TTBK2: variants seen among roughly 807,000 people sequenced by gnomAD.
The protein encoded by TTBK2 is tau tubulin kinase 2.
Under a neutral mutation model 110.8 loss-of-function variants are expected in TTBK2, and 28 were observed. That is an observed-to-expected ratio of 0.25 (90% CI 0.19 to 0.35). The LOEUF (loss-of-function observed/expected upper bound fraction) is 0.35, where lower values mean the gene tolerates loss of function less well. Ranked by LOEUF, TTBK2 falls within the 10% of genes least tolerant of loss-of-function variation. The probability of loss-of-function intolerance (pLI) is 1.00; values close to 1 mark genes in which losing one functional copy is unlikely to be tolerated. For synonymous variants in TTBK2, 532 were observed against 527.3 expected (o/e 1.01, Z -0.12); for missense variants, 1,369 against 1,500.3 (o/e 0.91, Z 1.45).
At chr15:42,763,061 T>C (rs1403035289) in intron 13 of TTBK2, among the ~76,000 whole-genome samples, 1 of 139,434 alleles carries the variant, frequency 7.2e-6, no homozygotes, top group Non-Finnish European at 1.5e-5. Flanking sequence ...CATAGCACTA[T>C]AGGATGATTA....
chr15:42,796,228 ACT>A (rs1429110580), intron 9 of TTBK2, among the ~76,000 whole-genome samples: 1 of 152,060 alleles, frequency 6.6e-6, no homozygotes, highest in Non-Finnish European at 1.5e-5. Flanking sequence ...ACATGGTGAA[ACT>A]CTATCTCTAC....
intron 9 of TTBK2, chr15:42,801,544 C>G (rs1324117839): frequency 1.3e-6 from 1 of 767,124 alleles, no homozygotes; most frequent in African/African-American, 1.7e-5. Context: ...GACCCAGCGT[C>G]TGCAGCTCCT....
At chr15:42,762,189 G>T (rs1915243) in intron 13 of TTBK2, among the ~76,000 whole-genome samples, 1 of 152,184 alleles carries the variant, frequency 6.6e-6, no homozygotes, top group South Asian at 2.1e-4. Flanking sequence ...AGCAGTATGA[G>T]AACAGAGTAA....
intron 7 of TTBK2, 141 bp from the exon 8 acceptor site, chr15:42,811,921 T>A (rs537452800): frequency 2.1e-6 from 1 of 485,868 alleles, no homozygotes; most frequent in Non-Finnish European, 3.5e-6. Flanking sequence ...GATAAACATA[T>A]ATATATATAT....
chr15:42,911,410 T>C (rs1280010631), intron 1 of TTBK2, among the ~76,000 whole-genome samples: 1 of 152,220 alleles, frequency 6.6e-6, no homozygotes, highest in Non-Finnish European at 1.5e-5. Context: ...AAATCCAGCC[T>C]GGGCAACATA....
intron 13 of TTBK2, 23 bp from the exon 14 acceptor site, chr15:42,753,270 T>A: frequency 6.2e-7 from 1 of 1,603,340 alleles, no homozygotes; most frequent in South Asian, 1.1e-5. Context: ...AAGAAAAAAT[T>A]AAAATGCAAT....
chr15:42,776,462 G>T (rs998881288), intron 12 of TTBK2, among the ~76,000 whole-genome samples: 7 of 152,146 alleles, frequency 4.6e-5, no homozygotes, highest in South Asian at 2.1e-4. Context: ...CTTTACCTAT[G>T]TATATAGATC....
intron 1 of TTBK2, among the ~76,000 whole-genome samples, chr15:42,895,995 C>A (rs1895652226): frequency 6.6e-6 from 1 of 151,424 alleles, no homozygotes; most frequent in Non-Finnish European, 1.5e-5. Context: ...TATTCTGGGC[C>A]AAATGATATT....
At chr15:42,769,643 A>G (rs1166706610) in intron 13 of TTBK2, among the ~76,000 whole-genome samples, 2 of 152,210 alleles carry the variant, frequency 1.3e-5, no homozygotes, top group Non-Finnish European at 2.9e-5. Context: ...AAATAGGAAC[A>G]CTTTTACACT....
intron 1 of TTBK2, among the ~76,000 whole-genome samples, chr15:42,888,657 C>T (rs538935317): frequency 6.6e-6 from 1 of 152,268 alleles, no homozygotes; most frequent in African/African-American, 2.4e-5. Flanking sequence ...CCATATCCTG[C>T]ACCACCATGC....
At chr15:42,801,017 G>A (rs765790629) in intron 9 of TTBK2, 4 of 764,944 alleles carry the variant, frequency 5.2e-6, no homozygotes, top group South Asian at 2.7e-5. Context: ...CACGGGTTTC[G>A]ATCTTCTTCA....
Position 42,801,300 on chromosome 15 carries a change from C to T in TTBK2, c.823-6499G>A, listed in dbSNP as rs377208670. ...GACGTTCATCAGCTCCTGGTACTCA[C>T]GCAGCTGCCGCGCCATGTCTTGACT... is the stretch of plus-strand genomic sequence containing the variant. On this transcript the variant is annotated intron_variant, in intron 9 of 14. Coordinates refer to ENST00000267890, the MANE Select transcript of TTBK2 (RefSeq NM_173500.4). 51 of 1,533,372 alleles carry T rather than the reference C, an allele frequency of 3.3e-5. 2 individuals are homozygous for T. The highest frequency in any genetic ancestry group is 1.7e-4 in the Admixed American group (10 of 57,414). 95.0% of individuals were successfully genotyped at this position (1,533,372 alleles called of 1,614,324 possible). A position where few individuals can be genotyped will look rare whatever the true frequency, so the allele number is the denominator to read the frequency against.
chr15:42,806,049 A>T (rs1055987499), intron 9 of TTBK2, among the ~76,000 whole-genome samples: 4 of 152,196 alleles, frequency 2.6e-5, no homozygotes, highest in Admixed American at 2.6e-4. Flanking sequence ...GGATCACTTG[A>T]GGCTAGGAGT....
chr15:42,777,199 A>C lies in TTBK2; in HGVS notation c.1241T>G (p.Leu414Arg), dbSNP rs1243269661. 1 of 1,614,202 alleles carries C rather than the reference A, an allele frequency of 6.2e-7. No individual in the cohort carries two copies. The highest frequency in any genetic ancestry group is 8.5e-7 in the Non-Finnish European group (1 of 1,180,030). Residue 414 changes from leucine to arginine, a missense_variant, in exon 12 of 15, where the codon CTT (leucine) becomes CGT (arginine). Physicochemically the swap from Leu to Arg is moderately radical, Grantham distance 102. This residue lies in a region of TTBK2 where 1,097 missense variants were observed against 1,114.7 expected (regional missense o/e 0.98). Coordinates refer to ENST00000267890, the MANE Select transcript of TTBK2 (RefSeq NM_173500.4). ...EENSHGQANGLLNAPSLGSPI... is the reference protein window; with the variant it reads ...EENSHGQANGRLNAPSLGSPI... Reference sequence around the variant, plus strand: ...TGACCCAAGGCTTGGAGCATTGAGAAGACCATTTGCCTGGCCATGGCTGTT... The same window carrying C: ...TGACCCAAGGCTTGGAGCATTGAGACGACCATTTGCCTGGCCATGGCTGTT...
At chr15:42,802,745 C>G (rs1173639352) in intron 9 of TTBK2, among the ~76,000 whole-genome samples, 1 of 152,112 alleles carries the variant, frequency 6.6e-6, no homozygotes, top group East Asian at 1.9e-4. Context: ...TACTGAGTGT[C>G]AAATTGACTG....
At chr15:42,766,446 C>CAAAAAA (rs567972612) in intron 13 of TTBK2, among the ~76,000 whole-genome samples, 606 of 30,746 alleles carry the variant, frequency 0.02, 127 homozygotes, top group African/African-American at 0.13. Flanking sequence ...GAATGGAAAG[C>CAAAAAA]AAAAAAAAAA....
chr15:42,833,910 C>T (rs2140997210), intron 4 of TTBK2, among the ~76,000 whole-genome samples: 1 of 152,166 alleles, frequency 6.6e-6, no homozygotes, highest in South Asian at 2.1e-4. Context: ...ACTCGGGAGG[C>T]TGAGGCAGGA....
chr15:42,871,228 T>C (rs1441426340), intron 3 of TTBK2, among the ~76,000 whole-genome samples: 1 of 152,130 alleles, frequency 6.6e-6, no homozygotes, highest in Non-Finnish European at 1.5e-5. Context: ...GAATGGGATG[T>C]CATGTGGTTA....
At chr15:42,850,581 T>C (rs1893657365) in intron 3 of TTBK2, among the ~76,000 whole-genome samples, 1 of 152,216 alleles carries the variant, frequency 6.6e-6, no homozygotes, top group South Asian at 2.1e-4. Context: ...CTACTGTTTT[T>C]CTTAACAAAC....
Sources: gnomAD v4.1 joint callset for allele counts (sites outside exome capture counted in the v4.1 genomes callset) on GRCh38, gnomAD v4.1.1 for gene constraint, gnomAD v4.1.1 regional missense constraint, MANE v1.5 for transcripts, NCBI Gene and HGNC (gene_info 2026-07-23, HGNC 2026-07-21) for gene names.